Variants in ROBO2 observed in about 807,000 individuals in gnomAD.
ROBO2 encodes the protein roundabout homolog 2.
In ROBO2, 53 loss-of-function variants were observed where a neutral mutation model predicts 160.8. The observed-to-expected ratio is 0.33, with a 90% CI of 0.26 to 0.41. ROBO2 has a LOEUF of 0.41. Ranked by LOEUF, ROBO2 falls within the 10% of genes least tolerant of loss-of-function variation. The pLI is 1.00. For synonymous variants in ROBO2, 664 were observed against 611.7 expected (o/e 1.09, Z -1.26); for missense variants, 1,577 against 1,722.4 (o/e 0.92, Z 1.49).
At chr3:76,055,704 G>A (rs762087251) in intron 2 of ROBO2, among the ~76,000 whole-genome samples, 19 of 152,144 alleles carry the variant, frequency 1.2e-4, no homozygotes, top group Non-Finnish European at 2.2e-4. Context: ...GTATTCCAAG[G>A]TGTATGTATA....
intron 2 of ROBO2, among the ~76,000 whole-genome samples, chr3:77,450,101 C>A (rs1054428562): frequency 6.6e-6 from 1 of 151,904 alleles, no homozygotes; most frequent in Non-Finnish European, 1.5e-5. Flanking sequence ...AGAAATAGCT[C>A]GTTGCTAATT....
Position 76,548,660 on chromosome 3 carries a change from G to A in ROBO2, c.110-549354G>A, listed in dbSNP as rs1391357064. On this transcript the variant is annotated intron_variant, in intron 2 of 26. Transcript: ENST00000487694. ...GATTTTTTTTTTTTTTAATAGACGGGAGAAGTCAAGGAGAAAGCAATAAAG... is the reference window on the plus strand; with the variant it reads ...GATTTTTTTTTTTTTTAATAGACGGAAGAAGTCAAGGAGAAAGCAATAAAG... Among the ~76,000 whole-genome samples the A allele has an allele frequency of 2.7e-5, 4 of 150,876 alleles. No homozygotes were observed. In the East Asian group the frequency reaches 5.8e-4, roughly 22 times the overall value.
At chr3:76,339,733 A>G (rs568364492) in intron 2 of ROBO2, among the ~76,000 whole-genome samples, 1 of 152,132 alleles carries the variant, frequency 6.6e-6, no homozygotes, top group East Asian at 1.9e-4. Context: ...CACCACTTTG[A>G]ATATGAGTTT....
At chr3:76,405,170 C>T (rs1017623318) in intron 2 of ROBO2, among the ~76,000 whole-genome samples, 1 of 151,342 alleles carries the variant, frequency 6.6e-6, no homozygotes, top group African/African-American at 2.4e-5. Flanking sequence ...GTCAAATGAA[C>T]ACAGATTTAA....
intron 2 of ROBO2, among the ~76,000 whole-genome samples, chr3:76,647,412 G>A (rs1389003721): frequency 6.6e-6 from 1 of 152,154 alleles, no homozygotes; most frequent in Middle Eastern, 3.2e-3. Flanking sequence ...AGCAGAAACG[G>A]GGCGAGCCGA....
intron 2 of ROBO2, among the ~76,000 whole-genome samples, chr3:76,828,877 A>G (rs1175987351): frequency 6.7e-6 from 1 of 149,198 alleles, no homozygotes; most frequent in East Asian, 2.0e-4. Context: ...TTACAGACAG[A>G]AAAAAAAAAG....
rs2091417909 is a variant in ROBO2 at position 77,528,948 on chromosome 3, A to G, written c.934+6046A>G. 2.0e-5 allele frequency among the ~76,000 whole-genome samples: 3 copies of G among 151,532 alleles called. No individual in the cohort carries two copies. In the South Asian group the frequency reaches 6.2e-4, roughly 31 times the overall value. On this transcript the variant is annotated intron_variant, in intron 6 of 25. Coordinates refer to ENST00000461745, the Ensembl canonical transcript of ROBO2. Reference sequence around the variant, plus strand: ...AATGATAATTTTATGTATCTTTTGAATGACACACAAAATTAAGAAAAGAAT... The same window carrying G: ...AATGATAATTTTATGTATCTTTTGAGTGACACACAAAATTAAGAAAAGAAT...
At chr3:77,175,595 G>A (rs981610297) in intron 2 of ROBO2, among the ~76,000 whole-genome samples, 6 of 151,988 alleles carry the variant, frequency 3.9e-5, no homozygotes, top group Non-Finnish European at 7.4e-5. Flanking sequence ...TATTGCAACC[G>A]TGTGGGTGAG....
At chr3:77,166,951 A>C (rs927776454) in intron 2 of ROBO2, among the ~76,000 whole-genome samples, 3 of 152,016 alleles carry the variant, frequency 2.0e-5, no homozygotes, top group African/African-American at 7.3e-5. Flanking sequence ...ACAAATGTCA[A>C]CTCATTGCTA....
At chr3:77,286,148 C>T (rs1377618003) in intron 2 of ROBO2, among the ~76,000 whole-genome samples, 1 of 151,714 alleles carries the variant, frequency 6.6e-6, no homozygotes, top group Non-Finnish European at 1.5e-5. Context: ...ACCTTATACT[C>T]TATTTCCATA....
intron 2 of ROBO2, among the ~76,000 whole-genome samples, chr3:76,513,715 A>T (rs1402643311): frequency 6.6e-6 from 1 of 152,226 alleles, no homozygotes; most frequent in Non-Finnish European, 1.5e-5. Context: ...AAATGTGTAA[A>T]CAATAGAGAG....
At chr3:77,148,102 T>A (rs114391707) in intron 2 of ROBO2, among the ~76,000 whole-genome samples, 2,437 of 152,346 alleles carry the variant, frequency 0.016, 68 homozygotes, top group African/African-American at 0.056. Context: ...TAAATAAGAA[T>A]GGATAATAAT....
rs35396854 is a variant in ROBO2 at position 76,696,381 on chromosome 3, CT to C, written c.110-401620del. Reference sequence around the variant, plus strand: ...AATAAATACAATTTTAAATGGATCTCTTTTTTTTTTTTTCAGTTGCAAGATT... The same window carrying C: ...AATAAATACAATTTTAAATGGATCTCTTTTTTTTTTTTCAGTTGCAAGATT... On this transcript the variant is annotated intron_variant, in intron 2 of 26. Coordinates refer to the ROBO2 transcript ENST00000487694. Among the ~76,000 whole-genome samples the C allele has an allele frequency of 5.6e-3, 766 of 135,936 alleles. 6 individuals are homozygous for C. The highest frequency in any genetic ancestry group is 0.02 in the African/African-American group (611 of 30,766). 89.2% of individuals were successfully genotyped at this position (135,936 alleles called of 152,430 possible).
exon 1 of ROBO2, chr3:77,040,396 A>G: frequency 9.8e-7 from 1 of 1,017,458 alleles, no homozygotes; most frequent in Non-Finnish European, 1.2e-6. Flanking sequence ...AACACTTTCT[A>G]GGAATTAGGT....
At chr3:76,959,803 A>G (rs989333122) in intron 2 of ROBO2, among the ~76,000 whole-genome samples, 30 of 152,146 alleles carry the variant, frequency 2.0e-4, no homozygotes, top group Non-Finnish European at 3.8e-4. Context: ...TTTGAAGTTG[A>G]CTAAAGGGAG....
At chr3:77,394,581 G>A (rs9841620) in intron 2 of ROBO2, among the ~76,000 whole-genome samples, 38,078 of 152,042 alleles carry the variant, frequency 0.25, 5,145 homozygotes, top group Middle Eastern at 0.33. Flanking sequence ...TCAGAAATAT[G>A]TAGTTTGAGA....
intron 2 of ROBO2, among the ~76,000 whole-genome samples, chr3:76,929,506 A>G (rs966405741): frequency 6.6e-6 from 1 of 152,216 alleles, no homozygotes; most frequent in African/African-American, 2.4e-5. Flanking sequence ...TATGTAAGCC[A>G]CAGTCATCTC....
chr3:77,522,546 A>C (rs970045133), intron 5 of ROBO2, among the ~76,000 whole-genome samples: 1 of 151,386 alleles, frequency 6.6e-6, no homozygotes, highest in African/African-American at 2.4e-5. Context: ...AAAGAATTCT[A>C]TACATATGTG....
intron 2 of ROBO2, among the ~76,000 whole-genome samples, chr3:77,409,345 GA>G (rs1371944678): frequency 1.3e-5 from 2 of 151,666 alleles, no homozygotes; most frequent in African/African-American, 2.4e-5. Flanking sequence ...TTGTATTGAG[GA>G]AAAAAATGAT....
Sources: allele counts gnomAD v4.1 joint callset (sites outside exome capture counted in the v4.1 genomes callset), GRCh38; gene constraint gnomAD v4.1.1; transcripts MANE v1.5; gene names NCBI Gene and HGNC (gene_info 2026-07-23, HGNC 2026-07-21).